The following TP53INP2 variants were observed in gnomAD, a reference collection of about 807,000 sequenced individuals.
TP53INP2 encodes tumor protein p53 inducible nuclear protein 2.
TP53INP2 carries 12 observed loss-of-function variants against 17.1 expected under a neutral mutation model. That is an observed-to-expected ratio of 0.70 (90% CI 0.45 to 1.14). The LOEUF is 1.14. TP53INP2 is among the 50% of genes most tolerant of loss of function. The pLI is 0.00. For synonymous variants in TP53INP2, 145 were observed against 147.3 expected (o/e 0.98, Z 0.12); for missense variants, 342 against 330.9 (o/e 1.03, Z -0.26).
Position 34,708,787 on chromosome 20 carries a change from C to T in TP53INP2, c.48C>T (p.Pro16=). The change falls in exon 3 of 5, where the codon CCC becomes CCT. Residue 16 remains proline (P), a synonymous_variant. Transcript: ENST00000374810. ...TCTTCTTCAGCACCCCCTCGCCCCC[C>T]GAAGACCCCGACTGCCCCCGCGCCT... ...SSLFFSTPSP[P]EDPDCPRAFV... The T allele has an allele frequency of 6.2e-7, 1 of 1,609,872 alleles. No homozygotes were observed.
In TP53INP2 at chr20:34,713,406, GA is replaced by G. The variant is rs1600698622; in HGVS notation, c.*3104del. On this transcript the variant is annotated 3_prime_UTR_variant, in exon 5 of 5. Transcript: ENST00000374810. ...TATGGGAGAAAAAAATTAATATAAA[GA>G]AAAACAAATAAAAATATATTTAAAG... is the stretch of plus-strand genomic sequence containing the variant. The G allele has an allele frequency of 6.6e-6, 1 of 152,668 alleles. No individual in the cohort carries two copies. Among genetic ancestry groups the G allele is most frequent in the East Asian group, 1.9e-4 (1 of 5,192 alleles). The allele number at this position is 152,668 out of a possible 1,614,324, so 9.5% of individuals were successfully genotyped here. A position where few individuals can be genotyped will look rare whatever the true frequency, so the allele number is the denominator to read the frequency against.
Position 34,710,654 on chromosome 20 carries a change from C to G in TP53INP2, c.*347C>G. 1 of 214,126 alleles carries G rather than the reference C, an allele frequency of 4.7e-6. No individual in the cohort carries two copies. The allele number at this position is 214,126 out of a possible 1,614,324, so 13.3% of individuals were successfully genotyped here. A position where few individuals can be genotyped will look rare whatever the true frequency, so the allele number is the denominator to read the frequency against. Reference sequence around the variant, plus strand: ...GGCCTGCCCCTATTTCTGAAAGCTTCTTCCAGTCCCTGATCTGGCTCATTC... The same window carrying G: ...GGCCTGCCCCTATTTCTGAAAGCTTGTTCCAGTCCCTGATCTGGCTCATTC... On this transcript the variant is annotated 3_prime_UTR_variant, in exon 5 of 5. Coordinates refer to ENST00000374810, the MANE Select transcript of TP53INP2 (RefSeq NM_021202.3). The surrounding 1 kb of genome is among the most constrained non-coding windows in gnomAD (Gnocchi z 4.9).
chr20:34,704,724 C>T (rs988118404), intron 1 of TP53INP2: 7 of 152,256 alleles, frequency 4.6e-5, no homozygotes, highest in African/African-American at 1.4e-4. Context: ...CCCACAGGCT[C>T]GGGTCGCTTG....
chr20:34,709,962 C>A lies in TP53INP2; in HGVS notation c.414-96C>A. 2 of 1,227,108 alleles carry A rather than the reference C, an allele frequency of 1.6e-6. No individual in the cohort carries two copies. The highest frequency in any genetic ancestry group is 2.1e-6 in the Non-Finnish European group (2 of 968,902). The allele number at this position is 1,227,108 out of a possible 1,614,324, so 76.0% of individuals were successfully genotyped here. ...TCGGGCACCCCAATCTGAACAGACA[C>A]AGAACTGAGCCGAAGCAAGGGTGGG... is the stretch of plus-strand genomic sequence containing the variant. On this transcript the variant is annotated intron_variant, in intron 4 of 4. Transcript: ENST00000374810. This position sits in a 1 kb window ranked among gnomAD's most constrained non-coding sequence, Gnocchi z 5.4.
intron 2 of TP53INP2, among the ~76,000 whole-genome samples, chr20:34,707,278 G>A (rs1263779903): frequency 6.6e-6 from 1 of 152,180 alleles, no homozygotes; most frequent in Non-Finnish European, 1.5e-5. Context: ...GGGTCAGAGG[G>A]GGGAGGGCCT....
Position 34,709,119 on chromosome 20 carries a change from G to T in TP53INP2, c.125-117G>T. On this transcript the variant is annotated intron_variant, in intron 3 of 4. Transcript: ENST00000374810. The surrounding 1 kb of genome is among the most constrained non-coding windows in gnomAD (Gnocchi z 5.4). Reference sequence around the variant, plus strand: ...CCGGGGCGCTGCGGACGGGCTGCGGGTCTGACTAACGATGCCCTTTCTCTC... The same window carrying T: ...CCGGGGCGCTGCGGACGGGCTGCGGTTCTGACTAACGATGCCCTTTCTCTC... The T allele has an allele frequency of 1.4e-6, 2 of 1,446,150 alleles. No individual in the cohort carries two copies. Among genetic ancestry groups the T allele is most frequent in the Non-Finnish European group, 1.8e-6 (2 of 1,103,888 alleles). 89.6% of individuals were successfully genotyped at this position (1,446,150 alleles called of 1,614,324 possible).
Position 34,708,704 on chromosome 20 carries a change from C to T in TP53INP2, c.-36C>T. ...TCTGATTCCCAGGTTTTTGCACTGC[C>T]ATAGGGCGCCCCCGTGAGGCGCTTC... is the stretch of plus-strand genomic sequence containing the variant. On this transcript the variant is annotated 5_prime_UTR_variant, in exon 3 of 5. Coordinates refer to ENST00000374810, the MANE Select transcript of TP53INP2 (RefSeq NM_021202.3). 1 of 1,550,754 alleles carries T rather than the reference C, an allele frequency of 6.4e-7. No homozygotes were observed. Among genetic ancestry groups the T allele is most frequent in the South Asian group, 1.2e-5 (1 of 84,680 alleles).
intron 2 of TP53INP2, among the ~76,000 whole-genome samples, chr20:34,708,359 T>C (rs1988047698): frequency 1.3e-5 from 2 of 152,248 alleles, no homozygotes; most frequent in Admixed American, 1.3e-4. Context: ...GTATAGCTCA[T>C]TTAATTCTTA....
chr20:34,707,277 G>T (rs138079121), intron 2 of TP53INP2, among the ~76,000 whole-genome samples: 3 of 152,154 alleles, frequency 2.0e-5, no homozygotes, highest in East Asian at 1.9e-4. Flanking sequence ...GGGGTCAGAG[G>T]GGGGAGGGCC....
In TP53INP2 at chr20:34,708,560, G is replaced by T. The variant is rs562350739; in HGVS notation, c.-49-131G>T. On this transcript the variant is annotated intron_variant, in intron 2 of 4. Transcript: ENST00000374810. ...AATGCAGAAAGCACATCTTCCCAAA[G>T]CGTCCGCACACATCCCCGTTGTGTG... 16 of 504,018 alleles carry T rather than the reference G, an allele frequency of 3.2e-5. No individual in the cohort carries two copies. In the South Asian group the frequency reaches 5.2e-4, roughly 16 times the overall value. 31.2% of individuals were successfully genotyped at this position (504,018 alleles called of 1,614,324 possible).
At chr20:34,705,037 A>G (rs574670628) in intron 1 of TP53INP2, among the ~76,000 whole-genome samples, 3 of 152,188 alleles carry the variant, frequency 2.0e-5, no homozygotes, top group African/African-American at 7.2e-5. Context: ...CTAACAGAAT[A>G]ACATCCTCCT....
intron 2 of TP53INP2, 31 bp from the exon 3 acceptor site, chr20:34,708,660 G>C (rs754701423): frequency 3.4e-5 from 47 of 1,393,618 alleles, no homozygotes; most frequent in African/African-American, 1.4e-5. Context: ...ACCTCAATCA[G>C]TGGTGGCTCT....
chr20:34,708,250 G>A (rs949280647), intron 2 of TP53INP2, among the ~76,000 whole-genome samples: 4 of 152,108 alleles, frequency 2.6e-5, no homozygotes, highest in Non-Finnish European at 4.4e-5. Flanking sequence ...TTAGTTTGTT[G>A]AGTGCTTACC....
In TP53INP2 at chr20:34,710,073, C is replaced by T; in HGVS notation, c.429C>T (p.Ala143=). ...GTCCTCACAGGGAATTGACGCCCGC[C>T]CGCCGCGAGCCGCGGGCCGCGCGCC... The part of the protein sequence containing the change: ...GDLSEGELTP[A]RREPRAARHA... Residue 143 remains alanine (A), a synonymous_variant, in exon 5 of 5, where the codon GCC becomes GCT. Coordinates refer to ENST00000374810, the MANE Select transcript of TP53INP2 (RefSeq NM_021202.3). This position sits in a 1 kb window ranked among gnomAD's most constrained non-coding sequence, Gnocchi z 4.9. 1 of 1,264,596 alleles carries T rather than the reference C, an allele frequency of 7.9e-7. No individual in the cohort carries two copies. Among genetic ancestry groups the T allele is most frequent in the Non-Finnish European group, 9.9e-7 (1 of 1,010,312 alleles). The allele number at this position is 1,264,596 out of a possible 1,614,324, so 78.3% of individuals were successfully genotyped here.
chr20:34,705,747 T>C (rs1273321964), intron 2 of TP53INP2, among the ~76,000 whole-genome samples: 2 of 152,146 alleles, frequency 1.3e-5, no homozygotes, highest in Non-Finnish European at 2.9e-5. Flanking sequence ...CCATTCCTGC[T>C]GGGAGTTTGC....
rs538702013 is a variant in TP53INP2, at chr20:34,711,369, A to G, written c.*1062A>G. On this transcript the variant is annotated 3_prime_UTR_variant, in exon 5 of 5. Coordinates refer to ENST00000374810, the MANE Select transcript of TP53INP2 (RefSeq NM_021202.3). The surrounding 1 kb of genome is among the most constrained non-coding windows in gnomAD (Gnocchi z 4.1). ...CACACCCTAGGTCAGCGTGCAGAGCAGTGATGCTGGAGGACACACCATGGG... is the reference window on the plus strand; with the variant it reads ...CACACCCTAGGTCAGCGTGCAGAGCGGTGATGCTGGAGGACACACCATGGG... 6.5e-6 allele frequency: 1 copy of G among 153,158 alleles called. No homozygotes were observed. Among genetic ancestry groups the G allele is most frequent in the South Asian group, 2.1e-4 (1 of 4,832 alleles). The allele number at this position is 153,158 out of a possible 1,614,324, so 9.5% of individuals were successfully genotyped here. A position where few individuals can be genotyped will look rare whatever the true frequency, so the allele number is the denominator to read the frequency against.
Position 34,709,944 on chromosome 20 carries a change from C to A in TP53INP2, c.414-114C>A. On this transcript the variant is annotated intron_variant, in intron 4 of 4. Coordinates refer to ENST00000374810, the MANE Select transcript of TP53INP2 (RefSeq NM_021202.3). This position sits in a 1 kb window ranked among gnomAD's most constrained non-coding sequence, Gnocchi z 5.4. ...GTACCCACAAGAAGGGCGTCGGGCA[C>A]CCCAATCTGAACAGACACAGAACTG... 8.1e-7 allele frequency: 1 copy of A among 1,231,618 alleles called. No individual in the cohort carries two copies. Among genetic ancestry groups the A allele is most frequent in the East Asian group, 3.3e-5 (1 of 30,756 alleles). 76.3% of individuals were successfully genotyped at this position (1,231,618 alleles called of 1,614,324 possible).
Position 34,709,922 on chromosome 20 carries a change from C to T in TP53INP2, c.414-136C>T. On this transcript the variant is annotated intron_variant, in intron 4 of 4. Coordinates refer to ENST00000374810, the MANE Select transcript of TP53INP2 (RefSeq NM_021202.3). The surrounding 1 kb of genome is among the most constrained non-coding windows in gnomAD (Gnocchi z 5.4). Reference sequence around the variant, plus strand: ...CCGAGGAGGCACCTCCGGGTTGGTACCCACAAGAAGGGCGTCGGGCACCCC... The same window carrying T: ...CCGAGGAGGCACCTCCGGGTTGGTATCCACAAGAAGGGCGTCGGGCACCCC... The T allele has an allele frequency of 8.8e-7, 1 of 1,138,342 alleles. No homozygotes were observed. Among genetic ancestry groups the T allele is most frequent in the Non-Finnish European group, 1.2e-6 (1 of 868,584 alleles). The allele number at this position is 1,138,342 out of a possible 1,614,324, so 70.5% of individuals were successfully genotyped here.
At position 34,709,447 on chromosome 20, in the gene TP53INP2, C is replaced by T; in HGVS notation, c.336C>T (p.Gly112=). 6.2e-7 allele frequency: 1 copy of T among 1,613,850 alleles called. No individual in the cohort carries two copies. Among genetic ancestry groups the T allele is most frequent in the Non-Finnish European group, 8.5e-7 (1 of 1,179,882 alleles). The change falls in exon 4 of 5, where the codon GGC becomes GGT. Residue 112 remains glycine (G), a synonymous_variant. Coordinates refer to ENST00000374810, the MANE Select transcript of TP53INP2 (RefSeq NM_021202.3). This position sits in a 1 kb window ranked among gnomAD's most constrained non-coding sequence, Gnocchi z 5.4. ...CCAGCATGTCCGTTTACGTCACCGG[C>T]AGCACCATAGTGCTAGAGCCCGGGT... The part of the protein sequence containing the change: ...EHPSMSVYVT[G]STIVLEPGSP...
Sources: allele counts gnomAD v4.1 joint callset (sites outside exome capture counted in the v4.1 genomes callset), GRCh38; gene constraint gnomAD v4.1.1; non-coding constraint Gnocchi (gnomAD v3.1); transcripts MANE v1.5; gene names NCBI Gene and HGNC (gene_info 2026-07-23, HGNC 2026-07-21).